Variants in RELN observed in about 807,000 individuals in gnomAD.
RELN encodes the protein reelin.
In RELN, 108 loss-of-function variants were observed where a neutral mutation model predicts 427.6. The observed-to-expected ratio is 0.25, with a 90% CI of 0.22 to 0.30. The LOEUF (loss-of-function observed/expected upper bound fraction) is 0.30. Ranked by LOEUF, RELN falls within the 10% of genes least tolerant of loss-of-function variation. The pLI, the probability that RELN is intolerant of heterozygous loss-of-function variation, is 1.00. For missense variants in RELN, 3,715 were observed against 4,302.8 expected (o/e 0.86, Z 3.82); for synonymous variants, 1,524 against 1,513.4 (o/e 1.01, Z -0.16).
intron 24 of RELN, among the ~76,000 whole-genome samples, chr7:103,598,437 A>T (rs986120925): frequency 1.3e-5 from 2 of 152,214 alleles, no homozygotes; most frequent in African/African-American, 4.8e-5. Flanking sequence ...TGGAAGAAAA[A>T]CTATAGAACC....
intron 2 of RELN, among the ~76,000 whole-genome samples, chr7:103,882,941 C>A (rs998072422): frequency 6.6e-6 from 1 of 152,158 alleles, no homozygotes; most frequent in African/African-American, 2.4e-5. Flanking sequence ...CTTTATGAGG[C>A]CAGCATCATC....
intron 3 of RELN, among the ~76,000 whole-genome samples, chr7:103,793,470 T>A (rs762609766): frequency 2.6e-5 from 4 of 152,214 alleles, no homozygotes; most frequent in Non-Finnish European, 5.9e-5. Flanking sequence ...TAAGTCTACA[T>A]AGAACCATAA....
At chr7:103,885,974 T>C (rs1168258144) in intron 2 of RELN, among the ~76,000 whole-genome samples, 1 of 152,116 alleles carries the variant, frequency 6.6e-6, no homozygotes, top group Non-Finnish European at 1.5e-5. Flanking sequence ...ATTATTTTAA[T>C]CACCATTTTT....
chr7:103,785,009 T>C (rs1286256704), intron 3 of RELN, among the ~76,000 whole-genome samples: 1 of 152,134 alleles, frequency 6.6e-6, no homozygotes, highest in Admixed American at 6.6e-5. Flanking sequence ...GATTAGATGA[T>C]AATAATAGTC....
chr7:103,532,893 C>T (rs1232489052), intron 46 of RELN, among the ~76,000 whole-genome samples: 1 of 152,152 alleles, frequency 6.6e-6, no homozygotes, highest in African/African-American at 2.4e-5. Context: ...TATATTTACT[C>T]CTGTGATTAT....
At chr7:103,688,418 C>A (rs924799922) in intron 10 of RELN, among the ~76,000 whole-genome samples, 2 of 152,014 alleles carry the variant, frequency 1.3e-5, no homozygotes, top group Non-Finnish European at 2.9e-5. Flanking sequence ...ACTGCTGAAA[C>A]CTTTTTTCTG....
At chr7:103,558,404 T>G (rs1038876877) in intron 36 of RELN, among the ~76,000 whole-genome samples, 40 of 152,160 alleles carry the variant, frequency 2.6e-4, no homozygotes, top group African/African-American at 9.4e-4. Flanking sequence ...AGGAAGCAGA[T>G]GGAAAATGTG....
At chr7:103,487,401 G>GAAA (rs769886377) in intron 60 of RELN, among the ~76,000 whole-genome samples, 1 of 71,244 alleles carries the variant, frequency 1.4e-5, no homozygotes, top group Non-Finnish European at 3.0e-5. Flanking sequence ...ACTTAAAGTA[G>GAAA]AAAAAAAAAA....
chr7:103,774,565 C>A (rs768285594), intron 4 of RELN, among the ~76,000 whole-genome samples: 11 of 152,118 alleles, frequency 7.2e-5, no homozygotes, highest in Non-Finnish European at 1.5e-4. Context: ...ATGGTGACTG[C>A]AATTGTTTTT....
intron 6 of RELN, among the ~76,000 whole-genome samples, chr7:103,738,351 A>G (rs761597465): frequency 1.3e-5 from 2 of 151,884 alleles, no homozygotes; most frequent in African/African-American, 2.4e-5. Flanking sequence ...TCTCTGTCTC[A>G]AGTTATGAAC....
chr7:103,613,365 A>C (rs1832006682), intron 20 of RELN, among the ~76,000 whole-genome samples: 1 of 152,228 alleles, frequency 6.6e-6, no homozygotes, highest in South Asian at 2.1e-4. Flanking sequence ...GTTACTATGC[A>C]ATGATACTCT....
chr7:103,751,047 GATAATT>G (rs757439363), intron 5 of RELN, among the ~76,000 whole-genome samples: 5 of 152,130 alleles, frequency 3.3e-5, no homozygotes, highest in Non-Finnish European at 7.4e-5. Flanking sequence ...TGTGAGAAAT[GATAATT>G]ATTTCTATTC....
At chr7:103,812,470 G>C (rs262376) in intron 3 of RELN, among the ~76,000 whole-genome samples, 128,150 of 152,172 alleles carry the variant, frequency 0.84, 54,223 homozygotes, top group East Asian at 0.97. Flanking sequence ...GAATGGAAAT[G>C]TCGGAACAGC....
At chr7:103,955,575 T>G (rs1380873674) in intron 1 of RELN, among the ~76,000 whole-genome samples, 1 of 152,190 alleles carries the variant, frequency 6.6e-6, no homozygotes, top group Non-Finnish European at 1.5e-5. Context: ...TCCCTCTGAT[T>G]ATTGTATTTG....
intron 3 of RELN, among the ~76,000 whole-genome samples, chr7:103,777,883 T>TCACACACACACA (rs201873652): frequency 0.059 from 8,445 of 143,830 alleles, 317 homozygotes; most frequent in African/African-American, 0.098. Flanking sequence ...TGTTATACCT[T>TCACACACACACA]CACACACACA....
intron 7 of RELN, among the ~76,000 whole-genome samples, chr7:103,723,775 C>T (rs1790135431): frequency 6.6e-6 from 1 of 152,056 alleles, no homozygotes; most frequent in Non-Finnish European, 1.5e-5. Context: ...GAACTGTACA[C>T]TTTAAAGAAG....
In RELN at chr7:103,568,260, C is replaced by T. The variant is rs754715700; in HGVS notation, c.4589-1501G>A. Among the ~76,000 whole-genome samples, 13 of 152,206 alleles carry T rather than the reference C, an allele frequency of 8.5e-5. No individual in the cohort carries two copies. In the East Asian group the frequency reaches 1.7e-3, roughly 20 times the overall value. Reference sequence around the variant, plus strand: ...TGTAGTGCTAAAAGAAGGCTGCTTACGGCTAATTAATTGCCATGGAATTAT... The same window carrying T: ...TGTAGTGCTAAAAGAAGGCTGCTTATGGCTAATTAATTGCCATGGAATTAT... On this transcript the variant is annotated intron_variant, in intron 31 of 64. Transcript: ENST00000428762.
chr7:103,523,574 A>C, intron 46 of RELN, 43 bp from the exon 47 acceptor site: 1 of 1,609,928 alleles, frequency 6.2e-7, no homozygotes, highest in Non-Finnish European at 8.5e-7. Flanking sequence ...GCTGTGGAAA[A>C]GAAAATGTGT....
chr7:103,825,124 A>C (rs905475357), intron 3 of RELN, among the ~76,000 whole-genome samples: 7 of 152,254 alleles, frequency 4.6e-5, no homozygotes, highest in Non-Finnish European at 8.8e-5. Context: ...GCTCATTTTC[A>C]TATTAATAGT....
Sources: gnomAD v4.1 joint callset for allele counts (sites outside exome capture counted in the v4.1 genomes callset) on GRCh38, gnomAD v4.1.1 for gene constraint, MANE v1.5 for transcripts, NCBI Gene and HGNC (gene_info 2026-07-23, HGNC 2026-07-21) for gene names.